The following CLEC3B variants were observed in gnomAD, a reference collection of about 807,000 sequenced individuals.
CLEC3B encodes C-type lectin domain family 3 member B.
In CLEC3B, 13 loss-of-function variants were observed where a neutral mutation model predicts 15.4. That is an observed-to-expected ratio of 0.84 (90% confidence interval 0.55 to 1.34). The LOEUF (loss-of-function observed/expected upper bound fraction) is 1.34. CLEC3B is among the 40% of genes most tolerant of loss of function. The pLI, the probability that CLEC3B is intolerant of heterozygous loss-of-function variation, is 0.00. For synonymous variants in CLEC3B, 112 were observed against 114.7 expected (o/e 0.98, Z 0.15); for missense variants, 242 against 268.6 (o/e 0.90, Z 0.69).
intron 1 of CLEC3B, among the ~76,000 whole-genome samples, chr3:45,027,188 C>G (rs1697495046): frequency 6.6e-6 from 1 of 152,178 alleles, no homozygotes; most frequent in Non-Finnish European, 1.5e-5. Context: ...ACGGGGCTGT[C>G]ACCCCCCCAG....
intron 1 of CLEC3B, among the ~76,000 whole-genome samples, chr3:45,030,413 G>A (rs1316864865): frequency 6.6e-6 from 1 of 152,222 alleles, no homozygotes; most frequent in Non-Finnish European, 1.5e-5. Flanking sequence ...AGGCTGGAGT[G>A]CCTGCTGGTC....
At chr3:45,030,127 G>A in intron 1 of CLEC3B, 4 of 980,068 alleles carry the variant, frequency 4.1e-6, no homozygotes, top group Non-Finnish European at 4.8e-6. Flanking sequence ...GTGACATGTA[G>A]AACGGCTTAG....
At chr3:45,029,272 G>T (rs1268009296) in intron 1 of CLEC3B, among the ~76,000 whole-genome samples, 1 of 152,222 alleles carries the variant, frequency 6.6e-6, no homozygotes, top group African/African-American at 2.4e-5. Context: ...TTATAGAAAG[G>T]CATCTCTTTT....
chr3:45,026,404 C>T lies in CLEC3B; in HGVS notation c.42C>T (p.Ser14=), dbSNP rs1697484579. Residue 14 remains serine (S), a synonymous_variant, in exon 1 of 3, where the codon TCC becomes TCT. Transcript: ENST00000296130. ...WGAYLLLCLF[S]LLTQVTTEPP... ...CCTACCTCCTCCTCTGCCTCTTCTC[C>T]CTCCTGACCCAGGTCACCACCGAGC... 1.2e-6 allele frequency: 2 copies of T among 1,614,004 alleles called. No homozygotes were observed. Among genetic ancestry groups the T allele is most frequent in the Admixed American group, 1.7e-5 (1 of 60,000 alleles).
chr3:45,030,019 T>G, intron 1 of CLEC3B: 1 of 289,760 alleles, frequency 3.5e-6, no homozygotes. Flanking sequence ...CCTCGGCCAG[T>G]TGGTTTAGGG....
At chr3:45,026,628 C>T (rs2125979006) in intron 1 of CLEC3B, among the ~76,000 whole-genome samples, 157 bp downstream of exon 1, 1 of 152,264 alleles carries the variant, frequency 6.6e-6, no homozygotes, top group South Asian at 2.1e-4. Context: ...TCTCTCATAG[C>T]AGAGTTGGTT....
chr3:45,029,527 G>T (rs1257722127), intron 1 of CLEC3B, among the ~76,000 whole-genome samples: 1 of 152,132 alleles, frequency 6.6e-6, no homozygotes, highest in Admixed American at 6.5e-5. Flanking sequence ...TGCTCATCAG[G>T]GTGTTTTTGC....
intron 2 of CLEC3B, 86 bp from the exon 3 acceptor site, chr3:45,035,438 A>T: frequency 6.6e-7 from 1 of 1,511,028 alleles, no homozygotes; most frequent in Non-Finnish European, 8.9e-7. Context: ...GATGGGATGG[A>T]GGACGGTGGG....
intron 2 of CLEC3B, among the ~76,000 whole-genome samples, chr3:45,033,822 G>A (rs897704443): frequency 5.9e-5 from 9 of 152,172 alleles, no homozygotes; most frequent in African/African-American, 1.9e-4. Context: ...GAGGGTCCTA[G>A]GAAGCAACTC....
At chr3:45,033,960 G>A (rs928245285) in intron 2 of CLEC3B, among the ~76,000 whole-genome samples, 8 of 133,478 alleles carry the variant, frequency 6.0e-5, no homozygotes, top group African/African-American at 1.8e-4. Context: ...GTGGTGCCAC[G>A]AAAGCCTCAG....
chr3:45,035,514 C>A lies in CLEC3B; in HGVS notation c.209-10C>A, dbSNP rs1697627330. On this transcript the variant is annotated splice_polypyrimidine_tract_variant and intron_variant, in intron 2 of 2. Coordinates refer to ENST00000296130, the MANE Select transcript of CLEC3B (RefSeq NM_003278.3). The stretch of plus-strand genomic sequence containing the variant: ...GACCTTCGGTGACAGCCATTTCTCC[C>A]CACTCCCAGTCTGCCTGAAGGGGAC... 6.3e-7 allele frequency: 1 copy of A among 1,577,834 alleles called. No homozygotes were observed. The highest frequency in any genetic ancestry group is 1.2e-5 in the South Asian group (1 of 86,098).
At chr3:45,026,518 C>T in intron 1 of CLEC3B, 47 bp downstream of exon 1, 1 of 1,513,796 alleles carries the variant, frequency 6.6e-7, no homozygotes. Context: ...GGAGCAGGTC[C>T]CCCTCTCCTT....
intron 1 of CLEC3B, among the ~76,000 whole-genome samples, chr3:45,027,642 C>T (rs1285446468): frequency 1.3e-5 from 2 of 152,192 alleles, no homozygotes; most frequent in Admixed American, 1.3e-4. Context: ...AAACCAGGGG[C>T]TGGGCGCAGT....
At chr3:45,034,275 C>T (rs897222320) in intron 2 of CLEC3B, among the ~76,000 whole-genome samples, 3 of 152,176 alleles carry the variant, frequency 2.0e-5, no homozygotes, top group Admixed American at 6.5e-5. Context: ...TAGGATAGCA[C>T]GAGGTAGGAC....
At chr3:45,030,187 C>T (rs927361881) in intron 1 of CLEC3B, 34 of 985,916 alleles carry the variant, frequency 3.4e-5, no homozygotes, top group Non-Finnish European at 4.0e-5. Flanking sequence ...GTTCCTTCTG[C>T]CCTCATCTTA....
chr3:45,028,534 T>C (rs1256720558), intron 1 of CLEC3B, among the ~76,000 whole-genome samples: 2 of 152,110 alleles, frequency 1.3e-5, no homozygotes, highest in African/African-American at 4.8e-5. Flanking sequence ...CCAGCCTGGG[T>C]GACAGAGTAA....
intron 2 of CLEC3B, among the ~76,000 whole-genome samples, chr3:45,031,617 T>G (rs2125980223): frequency 6.6e-6 from 1 of 152,300 alleles, no homozygotes; most frequent in Non-Finnish European, 1.5e-5. Flanking sequence ...ACTAGCCAGC[T>G]GAGGGAGGGT....
At chr3:45,034,943 C>G (rs1289894636) in intron 2 of CLEC3B, among the ~76,000 whole-genome samples, 2 of 152,160 alleles carry the variant, frequency 1.3e-5, no homozygotes, top group African/African-American at 2.4e-5. Flanking sequence ...GTGGCCTAGG[C>G]TGTAGGTGGG....
In CLEC3B at chr3:45,035,867, G is replaced by A; in HGVS notation, c.552G>A (p.Trp184Ter). The change falls in exon 3 of 3, where the codon TGG (tryptophan) becomes TGA (stop). Residue 184 changes from tryptophan (W) to a stop codon, truncating the protein, a stop_gained. Coordinates refer to ENST00000296130, the MANE Select transcript of CLEC3B (RefSeq NM_003278.3). LOFTEE classifies it high-confidence loss of function. Reference protein sequence around the residue: ...AVLSGAANGKWFDKRCRDQLP... With the variant: ...AVLSGAANGK ...TGTCAGGCGCGGCCAACGGCAAGTG[G>A]TTCGACAAGCGCTGCCGCGATCAGC... 6.2e-7 allele frequency: 1 copy of A among 1,612,060 alleles called. No homozygotes were observed. Among genetic ancestry groups the A allele is most frequent in the Non-Finnish European group, 8.5e-7 (1 of 1,179,716 alleles).
Sources: allele counts gnomAD v4.1 joint callset (sites outside exome capture counted in the v4.1 genomes callset), GRCh38; gene constraint gnomAD v4.1.1; transcripts MANE v1.5; gene names NCBI Gene and HGNC (gene_info 2026-07-23, HGNC 2026-07-21).